The following SYT9 variants were observed in gnomAD, a reference collection of about 807,000 sequenced individuals.
SYT9 encodes synaptotagmin 9.
SYT9 carries 22 observed loss-of-function variants against 48.4 expected under a neutral mutation model. The observed-to-expected ratio is 0.45, with a 90% CI of 0.32 to 0.65. The LOEUF is 0.65. Among genes scored for constraint, SYT9 ranks in the 30% least tolerant of loss-of-function variants. The pLI, the probability that SYT9 is intolerant of heterozygous loss-of-function variation, is 0.03. For synonymous variants in SYT9, 265 were observed against 245.0 expected, an observed-to-expected ratio of 1.08 and a Z score of -0.76; for missense variants, 577 against 622.0, an observed-to-expected ratio of 0.93 and a Z score of 0.77.
At chr11:7,381,450 A>G (rs1381841246) in intron 3 of SYT9, among the ~76,000 whole-genome samples, 1 of 152,226 alleles carries the variant, frequency 6.6e-6, no homozygotes, top group Non-Finnish European at 1.5e-5. Context: ...CCTCTCTGCC[A>G]GTTAGGGTCC....
intron 3 of SYT9, among the ~76,000 whole-genome samples, chr11:7,352,015 C>T (rs918567169): frequency 6.6e-6 from 1 of 152,096 alleles, no homozygotes; most frequent in Non-Finnish European, 1.5e-5. Context: ...CTTTTCTTTG[C>T]AGGTCTAGGT....
chr11:7,399,870 A>C (rs1406935077), intron 3 of SYT9, among the ~76,000 whole-genome samples: 2 of 152,250 alleles, frequency 1.3e-5, no homozygotes, highest in Non-Finnish European at 2.9e-5. Context: ...TGCATGGATC[A>C]TCAGGGACAT....
intron 6 of SYT9, among the ~76,000 whole-genome samples, chr11:7,430,288 A>G (rs964975530): frequency 6.6e-6 from 1 of 152,252 alleles, no homozygotes; most frequent in Non-Finnish European, 1.5e-5. Context: ...TGCTTGAAAT[A>G]AAGAAAAGAG....
At chr11:7,347,345 C>T (rs1169445726) in intron 3 of SYT9, among the ~76,000 whole-genome samples, 3 of 152,102 alleles carry the variant, frequency 2.0e-5, no homozygotes, top group Admixed American at 6.5e-5. Flanking sequence ...GACTCTCTTG[C>T]CTCAGCCTCC....
At chr11:7,333,360 T>C (rs908214576) in intron 3 of SYT9, among the ~76,000 whole-genome samples, 3 of 152,166 alleles carry the variant, frequency 2.0e-5, no homozygotes, top group Admixed American at 1.3e-4. Flanking sequence ...GGATCAAGGG[T>C]CAGTCTGCCT....
chr11:7,277,653 T>C (rs1045848919), intron 1 of SYT9, among the ~76,000 whole-genome samples: 3 of 152,330 alleles, frequency 2.0e-5, no homozygotes, highest in African/African-American at 4.8e-5. Flanking sequence ...CAATGAATAG[T>C]TCTTCAGGAT....
At chr11:7,297,436 A>G (rs1003666142) in intron 1 of SYT9, among the ~76,000 whole-genome samples, 2 of 152,238 alleles carry the variant, frequency 1.3e-5, no homozygotes, top group Admixed American at 6.5e-5. Context: ...ACACATAACC[A>G]CAATACAATT....
intron 6 of SYT9, among the ~76,000 whole-genome samples, chr11:7,452,147 A>T (rs931984227): frequency 1.3e-5 from 2 of 151,474 alleles, no homozygotes; most frequent in Non-Finnish European, 3.0e-5. Context: ...ACACACACAC[A>T]CTGAGGAAAA....
intron 3 of SYT9, among the ~76,000 whole-genome samples, chr11:7,387,704 T>C (rs1444224717): frequency 6.6e-6 from 1 of 152,176 alleles, no homozygotes; most frequent in Non-Finnish European, 1.5e-5. Context: ...TTAGATGCTC[T>C]CTTTAAGAAA....
intron 3 of SYT9, among the ~76,000 whole-genome samples, chr11:7,387,621 A>G (rs929593651): frequency 1.3e-5 from 2 of 152,296 alleles, no homozygotes; most frequent in South Asian, 2.1e-4. Context: ...GAGATGATGT[A>G]CCTTATTCCT....
At chr11:7,396,576 C>T (rs1846757301) in intron 3 of SYT9, among the ~76,000 whole-genome samples, 1 of 152,112 alleles carries the variant, frequency 6.6e-6, no homozygotes. Flanking sequence ...CTTTGCATGA[C>T]TCCATGATGT....
chr11:7,356,690 A>G (rs1850029062), intron 3 of SYT9, among the ~76,000 whole-genome samples: 1 of 152,230 alleles, frequency 6.6e-6, no homozygotes, highest in Non-Finnish European at 1.5e-5. Context: ...TTTACAGTAG[A>G]TGCAATTAAA....
chr11:7,272,000 A>G (rs1483778090), intron 1 of SYT9, among the ~76,000 whole-genome samples: 3 of 152,210 alleles, frequency 2.0e-5, no homozygotes, highest in Non-Finnish European at 4.4e-5. Context: ...TTACCATTGA[A>G]TCTGCTTTTG....
intron 1 of SYT9, among the ~76,000 whole-genome samples, chr11:7,302,495 A>C (rs182010464): frequency 5.4e-4 from 82 of 152,336 alleles, no homozygotes; most frequent in African/African-American, 1.9e-3. Context: ...TGAAGCTGCA[A>C]AATTCACAGA....
At chr11:7,452,517 G>A (rs949595431) in intron 6 of SYT9, among the ~76,000 whole-genome samples, 6 of 152,114 alleles carry the variant, frequency 3.9e-5, no homozygotes, top group African/African-American at 1.2e-4. Context: ...GCTTCTATAC[G>A]GTCAAAATGA....
In SYT9 at chr11:7,417,992, A is replaced by G. The variant is rs1482294298; in HGVS notation, c.1201A>G (p.Arg401Gly). 6.2e-7 allele frequency: 1 copy of G among 1,614,066 alleles called. No individual in the cohort carries two copies. The highest frequency in any genetic ancestry group is 8.5e-7 in the Non-Finnish European group (1 of 1,180,010). Residue 401 changes from arginine (R) to glycine (G), a missense_variant, in exon 5 of 7, where the codon AGA becomes GGA. By Grantham distance (125) the Arg-to-Gly change is moderately radical. Coordinates refer to ENST00000318881, the MANE Select transcript of SYT9 (RefSeq NM_175733.4). Reference protein sequence around the residue: ...YVKVSLMCDGRRLKKRKTSTK... With the variant: ...YVKVSLMCDGGRLKKRKTSTK... ...GAAAGTCTCGCTGATGTGTGATGGC[A>G]GACGACTGAAGAAGAGGAAAACATC...
rs143594763 is a variant in SYT9 at position 7,421,206 on chromosome 11, A to G, written c.1467+571A>G. Among the ~76,000 whole-genome samples, 32 of 152,330 alleles carry G rather than the reference A, an allele frequency of 2.1e-4. No individual in the cohort carries two copies. The East Asian group carries it at 4.2e-3, about 20-fold the overall frequency. On this transcript the variant is annotated intron_variant, in intron 6 of 6. Transcript: ENST00000318881. Reference sequence around the variant, plus strand: ...GAGTATCTTAGCAGCTCCATGATCAACAAGAGACCTAGACTTCTGTCTTTC... The same window carrying G: ...GAGTATCTTAGCAGCTCCATGATCAGCAAGAGACCTAGACTTCTGTCTTTC...
chr11:7,382,029 C>G (rs1238921846), intron 3 of SYT9, among the ~76,000 whole-genome samples: 1 of 152,166 alleles, frequency 6.6e-6, no homozygotes, highest in African/African-American at 2.4e-5. Flanking sequence ...TGGGCACTCA[C>G]CTGTGTGTCA....
At chr11:7,373,742 C>T (rs1850404118) in intron 3 of SYT9, among the ~76,000 whole-genome samples, 1 of 152,090 alleles carries the variant, frequency 6.6e-6, no homozygotes, top group East Asian at 1.9e-4. Context: ...TGCCTGGACT[C>T]CCTCCTCCAG....
Sources: allele counts gnomAD v4.1 joint callset (sites outside exome capture counted in the v4.1 genomes callset), GRCh38; gene constraint gnomAD v4.1.1; transcripts MANE v1.5; gene names NCBI Gene and HGNC (gene_info 2026-07-23, HGNC 2026-07-21).